Variants in MROH2A observed in about 807,000 individuals in gnomAD.
The protein encoded by MROH2A is maestro heat-like repeat-containing protein family member 2A.
A neutral mutation model predicts 200.4 loss-of-function variants in MROH2A; 174 were observed. That is an observed-to-expected ratio of 0.87 (90% confidence interval 0.77 to 0.98). The LOEUF is 0.98. Among genes scored for constraint, MROH2A ranks in the 50% least tolerant of loss-of-function variants. The pLI, the probability that MROH2A is intolerant of heterozygous loss-of-function variation, is 0.00. For synonymous variants in MROH2A, 829 were observed against 840.4 expected (o/e 0.99, Z 0.23); for missense variants, 2,045 against 2,139.6 (o/e 0.96, Z 0.87).
intron 13 of MROH2A, 76 bp from the exon 14 acceptor site, chr2:233,800,129 G>C (rs1702364790): frequency 8.6e-7 from 1 of 1,164,314 alleles, no homozygotes; most frequent in African/African-American, 1.6e-5. Flanking sequence ...CCCCTGGGGA[G>C]TGAGGAGACC....
At position 233,833,223 on chromosome 2, in the gene MROH2A, G is replaced by A; in HGVS notation, c.4989G>A (p.Gln1663=). The A allele has an allele frequency of 6.5e-7, 1 of 1,550,216 alleles. No individual in the cohort carries two copies. Among genetic ancestry groups the A allele is most frequent in the South Asian group, 1.2e-5 (1 of 83,986 alleles). ...TCACAGTCTTGGATAGCTGTAGTCA[G>A]CATGGGTTTCTGGCTTCACCCCAAG... ...ETLTVLDSCS[Q]HGFLASPQGM... The change falls in exon 42 of 42, where the codon CAG becomes CAA. Residue 1663 remains glutamine (Q), a synonymous_variant. Transcript: ENST00000389758.
At chr2:233,802,799 G>A (rs28900436) in intron 15 of MROH2A, among the ~76,000 whole-genome samples, 25 of 152,314 alleles carry the variant, frequency 1.6e-4, no homozygotes, top group African/African-American at 6.0e-4. Context: ...CTCCAACTCT[G>A]GCCCCAAGGG....
intron 26 of MROH2A, among the ~76,000 whole-genome samples, chr2:233,815,324 T>C (rs1215698789): frequency 6.6e-6 from 1 of 152,240 alleles, no homozygotes; most frequent in African/African-American, 2.4e-5. Flanking sequence ...CCATCAGATA[T>C]GTGATTTGCA....
In MROH2A at chr2:233,792,836, C is replaced by G; in HGVS notation, c.612C>G (p.Thr204=). The change falls in exon 6 of 42, where the codon ACC becomes ACG. Residue 204 remains threonine (T), a synonymous_variant. Transcript: ENST00000389758. ...CATACATGGGCATCACCCTGGCTAC[C>G]ATATTCACCATGCTGAGACTTGCCA... ...FMPYMGITLA[T]IFTMLRLANE... The G allele has an allele frequency of 6.4e-7, 1 of 1,550,470 alleles. No individual in the cohort carries two copies. The highest frequency in any genetic ancestry group is 8.7e-7 in the Non-Finnish European group (1 of 1,146,918).
chr2:233,792,738 C>T (rs1315068596), intron 5 of MROH2A, 58 bp from the exon 6 acceptor site: 1 of 1,124,926 alleles, frequency 8.9e-7, no homozygotes, highest in African/African-American at 1.6e-5. Flanking sequence ...TCCTCTCTGC[C>T]TTCTCTCTGC....
Position 233,813,740 on chromosome 2 carries a change from T to A in MROH2A, c.2722T>A (p.Ser908Thr). Residue 908 changes from serine to threonine, a missense_variant, in exon 25 of 42, where the codon TCT becomes ACT. Physicochemically the swap from Ser to Thr is moderately conservative, Grantham distance 58. This residue lies in a region of MROH2A where 1,201 missense variants were observed against 1,311.3 expected (regional missense o/e 0.92). Transcript: ENST00000389758. The part of the protein sequence containing the change: ...LMDISIHSVI[S>T]LQLPGEDNES... The stretch of plus-strand genomic sequence containing the variant: ...GGATATCAGCATACATTCTGTAATT[T>A]CTCTCCAACTCCCAGGAGAGGACAA... The A allele has an allele frequency of 1.9e-6, 3 of 1,549,804 alleles. No homozygotes were observed. Among genetic ancestry groups the A allele is most frequent in the Non-Finnish European group, 2.6e-6 (3 of 1,146,296 alleles).
chr2:233,789,422 G>A (rs1701582730), intron 3 of MROH2A, 75 bp from the exon 4 acceptor site: 4 of 1,284,528 alleles, frequency 3.1e-6, no homozygotes, highest in Non-Finnish European at 4.0e-6. Flanking sequence ...AGGGAAGGAG[G>A]ACAGTGGGAG....
At chr2:233,801,198 C>T (rs1268807038) in intron 14 of MROH2A, among the ~76,000 whole-genome samples, 1 of 152,132 alleles carries the variant, frequency 6.6e-6, no homozygotes, top group African/African-American at 2.4e-5. Context: ...TTGGAATTCA[C>T]CATGCTGTCT....
intron 12 of MROH2A, 62 bp from the exon 13 acceptor site, chr2:233,799,718 C>T: frequency 6.5e-7 from 1 of 1,543,246 alleles, no homozygotes; most frequent in Non-Finnish European, 8.7e-7. Flanking sequence ...CTCTATGTCA[C>T]AGGATTGGGT....
chr2:233,817,696 G>A (rs952678816), intron 27 of MROH2A, among the ~76,000 whole-genome samples: 7 of 152,184 alleles, frequency 4.6e-5, no homozygotes, highest in Admixed American at 2.0e-4. Flanking sequence ...GCTCTGATTT[G>A]ATCCCCAGGG....
At chr2:233,779,208 C>A in intron 1 of MROH2A, 137 bp from the exon 2 acceptor site, 1 of 629,048 alleles carries the variant, frequency 1.6e-6, no homozygotes, top group Non-Finnish European at 2.9e-6. Context: ...TTGCCATATT[C>A]TGTTGATTAG....
intron 3 of MROH2A, 96 bp downstream of exon 3, chr2:233,779,948 G>A (rs1700867652): frequency 1.9e-6 from 2 of 1,056,928 alleles, no homozygotes; most frequent in Non-Finnish European, 2.7e-6. Flanking sequence ...GAGATGTGAT[G>A]TGTGGTACTG....
At chr2:233,788,969 A>G (rs1221241094) in intron 3 of MROH2A, among the ~76,000 whole-genome samples, 2 of 136,504 alleles carry the variant, frequency 1.5e-5, no homozygotes, top group Non-Finnish European at 3.1e-5. Flanking sequence ...AAAAAAAAAA[A>G]GAGTAACTTG....
chr2:233,796,230 T>C lies in MROH2A; in HGVS notation c.1169T>C (p.Phe390Ser). The stretch of plus-strand genomic sequence containing the variant: ...TCCTACCCCAAGGAGCTGATGAAGT[T>C]CTTCTTCAGCCAGATGGAGACAAAC... The part of the protein sequence containing the change: ...ARSYPKELMK[F>S]FFSQMETNKE... Residue 390 changes from phenylalanine to serine, a missense_variant, in exon 11 of 42, where the codon TTC (phenylalanine) becomes TCC (serine). Physicochemically the swap from Phe to Ser is radical, Grantham distance 155 (BLOSUM62 -2). This residue lies in a region of MROH2A where 831 missense variants were observed against 800.0 expected (regional missense o/e 1.04). Coordinates refer to ENST00000389758, the MANE Select transcript of MROH2A (RefSeq NM_001394639.1). The C allele has an allele frequency of 5.8e-6, 9 of 1,549,872 alleles. No homozygotes were observed. The highest frequency in any genetic ancestry group is 7.0e-6 in the Non-Finnish European group (8 of 1,146,622).
chr2:233,781,105 G>A (rs1587493), intron 3 of MROH2A, among the ~76,000 whole-genome samples: 127,119 of 152,244 alleles, frequency 0.83, 53,158 homozygotes, highest in East Asian at 0.89. Context: ...CGTTGTCTGT[G>A]TATACCACAT....
chr2:233,800,673 A>C (rs555199120), intron 14 of MROH2A, among the ~76,000 whole-genome samples: 177 of 151,882 alleles, frequency 1.2e-3, no homozygotes, highest in African/African-American at 4.0e-3. Context: ...GTGTAGACCA[A>C]TGATTTTCAT....
chr2:233,823,121 C>A, intron 34 of MROH2A, 103 bp downstream of exon 34: 2 of 1,296,218 alleles, frequency 1.5e-6, no homozygotes, highest in Non-Finnish European at 2.1e-6. Context: ...TGGCTGAAGG[C>A]CTTCTTTCTG....
intron 5 of MROH2A, among the ~76,000 whole-genome samples, chr2:233,792,518 T>A (rs936630103): frequency 6.6e-5 from 10 of 152,256 alleles, no homozygotes; most frequent in Admixed American, 5.9e-4. Flanking sequence ...TTCAACCGTG[T>A]TAGCCAGGAT....
At chr2:233,776,601 G>A (rs1368273868), upstream of MROH2A, among the ~76,000 whole-genome samples, 1 of 152,010 alleles carries the variant, frequency 6.6e-6, no homozygotes, top group African/African-American at 2.4e-5. Flanking sequence ...GCCAAGCAGA[G>A]CCCCCTTCTT....
Sources: gnomAD v4.1 joint callset for allele counts (sites outside exome capture counted in the v4.1 genomes callset) on GRCh38, gnomAD v4.1.1 for gene constraint, gnomAD v4.1.1 regional missense constraint, MANE v1.5 for transcripts, NCBI Gene and HGNC (gene_info 2026-07-23, HGNC 2026-07-21) for gene names.